Variants in CD2AP observed in about 807,000 individuals in gnomAD.
CD2AP encodes the protein CD2-associated protein.
In CD2AP, 46 loss-of-function variants were observed where a neutral mutation model predicts 85.1. The ratio of observed to expected loss-of-function variants is 0.54; its 90% CI spans 0.43 to 0.69. CD2AP has a LOEUF of 0.69. CD2AP is among the 30% of genes least tolerant of loss of function. CD2AP has a pLI of 0.00. For missense variants in CD2AP, 769 were observed against 729.5 expected (o/e 1.05, Z -0.62); for synonymous variants, 255 against 252.9 (o/e 1.01, Z -0.08).
chr6:47,561,185 A>G (rs1377923853), intron 5 of CD2AP, among the ~76,000 whole-genome samples: 3 of 152,210 alleles, frequency 2.0e-5, no homozygotes, highest in African/African-American at 7.2e-5. Context: ...TAAAATATAC[A>G]ATCTGATGAG....
At chr6:47,578,947 G>A (rs148013081) in intron 8 of CD2AP, among the ~76,000 whole-genome samples, 37 of 152,258 alleles carry the variant, frequency 2.4e-4, no homozygotes, top group Admixed American at 5.9e-4. Context: ...GTGAGCCACC[G>A]TACCCGGCCT....
Position 47,598,391 on chromosome 6 carries a change from C to T in CD2AP, c.1275-910C>T. ...GATCTACCATTTGATCCAGCAATCCCACTACTGGGTATCTACCCAGAGGAA... is the reference window on the plus strand; with the variant it reads ...GATCTACCATTTGATCCAGCAATCCTACTACTGGGTATCTACCCAGAGGAA... On this transcript the variant is annotated intron_variant, in intron 12 of 17. Transcript: ENST00000359314. Among the ~76,000 whole-genome samples the T allele has an allele frequency of 1.3e-5, 2 of 151,046 alleles. 1 individual carries two copies. Among genetic ancestry groups the T allele is most frequent in the Non-Finnish European group, 3.0e-5 (2 of 67,310 alleles).
intron 1 of CD2AP, among the ~76,000 whole-genome samples, chr6:47,502,007 A>G (rs912299967): frequency 3.3e-5 from 5 of 152,166 alleles, no homozygotes; most frequent in African/African-American, 9.7e-5. Flanking sequence ...ATCCTCTTCA[A>G]GGTTGCACTG....
intron 4 of CD2AP, among the ~76,000 whole-genome samples, chr6:47,549,119 A>C (rs1767445782): frequency 6.6e-6 from 1 of 152,196 alleles, no homozygotes; most frequent in African/African-American, 2.4e-5. Flanking sequence ...AAAAATTGAA[A>C]GCATTCCCTC....
intron 2 of CD2AP, among the ~76,000 whole-genome samples, chr6:47,529,654 A>T (rs1303669078): frequency 6.6e-6 from 1 of 152,148 alleles, no homozygotes; most frequent in African/African-American, 2.4e-5. Context: ...TTTATTTATA[A>T]GTTTGGTGAT....
At position 47,615,749 on chromosome 6, in the gene CD2AP, A is replaced by G. The variant is rs1014823388; in HGVS notation, c.1878+3213A>G. 4.0e-5 allele frequency among the ~76,000 whole-genome samples: 6 copies of G among 151,656 alleles called. No homozygotes were observed. In the East Asian group the frequency reaches 5.8e-4, roughly 15 times the overall value. ...TCGTATCAATGATTAAGTAACAGCAATGGAGCTGAAATTTAATTTTAATTT... is the reference window on the plus strand; with the variant it reads ...TCGTATCAATGATTAAGTAACAGCAGTGGAGCTGAAATTTAATTTTAATTT... On this transcript the variant is annotated intron_variant, in intron 17 of 17. Transcript: ENST00000359314.
chr6:47,563,118 G>GGAA, intron 5 of CD2AP: 1 of 203,262 alleles, frequency 4.9e-6, no homozygotes, highest in South Asian at 1.2e-4. Context: ...AGGAAGAAGT[G>GGAA]GAAGCTATTT....
At chr6:47,521,368 A>G (rs6913202) in intron 2 of CD2AP, among the ~76,000 whole-genome samples, 34,480 of 152,052 alleles carry the variant, frequency 0.23, 4,079 homozygotes, top group Non-Finnish European at 0.27. Flanking sequence ...CTTTGCCAAC[A>G]TGGTGAAACC....
At chr6:47,551,500 CATTT>C (rs1412702894) in intron 4 of CD2AP, among the ~76,000 whole-genome samples, 1 of 152,130 alleles carries the variant, frequency 6.6e-6, no homozygotes, top group African/African-American at 2.4e-5. Flanking sequence ...GAGAGTTTCA[CATTT>C]ATTATATCCT....
chr6:47,478,209 A>AGCG lies in CD2AP; in HGVS notation c.-34_-32dup. ...CCACCACTGGAGGAGGAGGAGGAGG[A>AGCG]GCGGACGTCGGCTTCTCCCCGCGGG... On this transcript the variant is annotated 5_prime_UTR_variant, in exon 1 of 18. Transcript: ENST00000359314. The AGCG allele has an allele frequency of 6.4e-7, 1 of 1,564,270 alleles. No homozygotes were observed. The highest frequency in any genetic ancestry group is 1.2e-5 in the South Asian group (1 of 85,080).
At chr6:47,499,498 G>C (rs1765949359) in intron 1 of CD2AP, among the ~76,000 whole-genome samples, 1 of 152,040 alleles carries the variant, frequency 6.6e-6, no homozygotes, top group African/African-American at 2.4e-5. Context: ...CTCTGACATG[G>C]AGAAACTTGG....
intron 5 of CD2AP, among the ~76,000 whole-genome samples, chr6:47,555,622 A>G (rs1207627773): frequency 6.6e-6 from 1 of 152,168 alleles, no homozygotes; most frequent in Non-Finnish European, 1.5e-5. Flanking sequence ...ATGAAGTTGT[A>G]AGATTGCTCA....
At chr6:47,518,946 C>T (rs1027811200) in intron 2 of CD2AP, among the ~76,000 whole-genome samples, 2 of 152,140 alleles carry the variant, frequency 1.3e-5, no homozygotes, top group South Asian at 4.2e-4. Context: ...GCATATCCCT[C>T]CCTACACTCC....
At chr6:47,507,811 G>A (rs1200032878) in intron 2 of CD2AP, among the ~76,000 whole-genome samples, 1 of 152,150 alleles carries the variant, frequency 6.6e-6, no homozygotes, top group East Asian at 1.9e-4. Flanking sequence ...GCTGCAAAAT[G>A]GATATTATGT....
At chr6:47,537,496 A>C (rs1036252467) in intron 3 of CD2AP, among the ~76,000 whole-genome samples, 2 of 152,188 alleles carry the variant, frequency 1.3e-5, no homozygotes, top group Admixed American at 1.3e-4. Context: ...AGTTGAAGGA[A>C]TAATTGTGCA....
At chr6:47,556,559 A>G (rs1767698693) in intron 5 of CD2AP, among the ~76,000 whole-genome samples, 2 of 152,040 alleles carry the variant, frequency 1.3e-5, no homozygotes, top group South Asian at 4.2e-4. Flanking sequence ...ATGTTGGTCA[A>G]GCTGGTCTTG....
At chr6:47,570,317 G>C (rs969794862) in intron 5 of CD2AP, among the ~76,000 whole-genome samples, 1 of 152,062 alleles carries the variant, frequency 6.6e-6, no homozygotes, top group African/African-American at 2.4e-5. Context: ...GTTTAGGCTC[G>C]ATAGACAGAT....
rs1582611597 is a variant in CD2AP, at chr6:47,600,987, A to G, written c.1417+1544A>G. Among the ~76,000 whole-genome samples, 6 of 152,016 alleles carry G rather than the reference A, an allele frequency of 3.9e-5. No homozygotes were observed. The South Asian group carries it at 1.2e-3, about 31-fold the overall frequency. ...TGAAGGAGTAAAATCTGGAATCCAC[A>G]TCTTGCTTTGTATTCATCTTGAATG... On this transcript the variant is annotated intron_variant, in intron 13 of 17. Transcript: ENST00000359314.
intron 2 of CD2AP, among the ~76,000 whole-genome samples, chr6:47,513,181 G>C (rs1390765788): frequency 6.9e-6 from 1 of 144,654 alleles, no homozygotes; most frequent in African/African-American, 2.6e-5. Context: ...GTAACCATCT[G>C]TATCTCTAAG....
Sources: gnomAD v4.1 joint callset for allele counts (sites outside exome capture counted in the v4.1 genomes callset) on GRCh38, gnomAD v4.1.1 for gene constraint, MANE v1.5 for transcripts, NCBI Gene and HGNC (gene_info 2026-07-23, HGNC 2026-07-21) for gene names.